The following HLX variants were observed in gnomAD, a reference collection of about 807,000 sequenced individuals.
The protein encoded by HLX is H2.0 like homeobox, also known as H2.0-like homeobox protein.
HLX carries 6 observed loss-of-function variants against 27.7 expected under a neutral mutation model. That is an observed-to-expected ratio of 0.22 (90% CI 0.12 to 0.43). The LOEUF is 0.43. Among genes scored for constraint, HLX ranks in the 20% least tolerant of loss-of-function variants. The pLI is 1.00. For missense variants in HLX, 666 were observed against 655.2 expected, an observed-to-expected ratio of 1.02 and a Z score of -0.18; for synonymous variants, 328 against 293.8, an observed-to-expected ratio of 1.12 and a Z score of -1.19.
In HLX at chr1:220,880,229, G is replaced by GCAA. The variant is rs766887194; in HGVS notation, c.381_383dup (p.Gln132dup). The GCAA allele has an allele frequency of 6.2e-7, 1 of 1,612,432 alleles. No individual in the cohort carries two copies. Among genetic ancestry groups the GCAA allele is most frequent in the Non-Finnish European group, 8.5e-7 (1 of 1,178,832 alleles). The stretch of plus-strand genomic sequence containing the variant: ...CAGCCGCCTACCACCACCATCACCC[G>GCAA]CAACAACAACAGCAGCAGCAACAGC... On this transcript the variant is annotated inframe_insertion, in exon 1 of 4. Coordinates refer to ENST00000366903, the MANE Select transcript of HLX (RefSeq NM_021958.4).
intron 1 of HLX, chr1:220,880,954 A>G: frequency 1.9e-6 from 1 of 523,078 alleles, no homozygotes; most frequent in East Asian, 3.2e-5. Context: ...CCGTAAGCCG[A>G]TTTATGTAAA....
intron 3 of HLX, 130 bp downstream of exon 3, chr1:220,882,478 A>C (rs1025862203): frequency 8.6e-6 from 7 of 809,682 alleles, no homozygotes; most frequent in Non-Finnish European, 1.4e-5. Context: ...GACTTTCAAG[A>C]GGCTTTGTGG....
intron 2 of HLX, chr1:220,881,591 A>C: frequency 6.7e-6 from 4 of 592,656 alleles, no homozygotes; most frequent in East Asian, 3.0e-5. Context: ...GAGATCCCAG[A>C]AAGTGTGTGC....
chr1:220,882,056 A>G, intron 2 of HLX, 108 bp from the exon 3 acceptor site: 1 of 999,438 alleles, frequency 1.0e-6, no homozygotes, highest in Non-Finnish European at 1.6e-6. Context: ...TCGACAGTTA[A>G]CACGAAACAG....
chr1:220,880,056 G>T lies in HLX; in HGVS notation c.199G>T (p.Ala67Ser), dbSNP rs1674389002. The part of the protein sequence containing the change: ...LGAAPEGLAG[A>S]SAAALTAHLG... ...GGCGGCCCCGGAGGGCCTGGCAGGG[G>T]CCTCGGCCGCCGCCCTCACCGCGCA... is the stretch of plus-strand genomic sequence containing the variant. The change falls in exon 1 of 4, where the codon GCC (alanine) becomes TCC (serine). Residue 67 changes from alanine (A) to serine (S), a missense_variant. Ala to Ser is a moderately conservative substitution (Grantham distance 99). Coordinates refer to ENST00000366903, the MANE Select transcript of HLX (RefSeq NM_021958.4). The T allele has an allele frequency of 5.7e-6, 9 of 1,587,618 alleles. No homozygotes were observed. The highest frequency in any genetic ancestry group is 6.8e-6 in the Non-Finnish European group (8 of 1,171,978).
At chr1:220,883,461 C>A (rs1384871052) in intron 3 of HLX, 4 of 152,352 alleles carry the variant, frequency 2.6e-5, no homozygotes, top group Non-Finnish European at 5.9e-5. Context: ...CATCTCTATC[C>A]CCTTCCTTAA....
At position 220,879,706 on chromosome 1, in the gene HLX, C is replaced by T; in HGVS notation, c.-152C>T. On this transcript the variant is annotated 5_prime_UTR_variant, in exon 1 of 4. Coordinates refer to ENST00000366903, the MANE Select transcript of HLX (RefSeq NM_021958.4). ...GCCTCCTCCCTCGGTGGCGCTAGGG[C>T]TCCCGGCCTCTCTTCCTCAGTGCGG... 6.5e-6 allele frequency: 8 copies of T among 1,229,270 alleles called. No individual in the cohort carries two copies. The highest frequency in any genetic ancestry group is 8.6e-6 in the Non-Finnish European group (8 of 931,514). The allele number at this position is 1,229,270 out of a possible 1,614,324, so 76.1% of individuals were successfully genotyped here.
chr1:220,881,566 G>C (rs986733525), intron 2 of HLX, 193 bp downstream of exon 2: 4 of 640,536 alleles, frequency 6.2e-6, no homozygotes, highest in Non-Finnish European at 1.1e-5. Context: ...CCTTGAAAAG[G>C]GGTAGAGGCG....
At chr1:220,880,557 T>C in intron 1 of HLX, 108 bp downstream of exon 1, 1 of 1,178,506 alleles carries the variant, frequency 8.5e-7, no homozygotes, top group Non-Finnish European at 1.3e-6. Context: ...GACAAATCGG[T>C]AAAACGGGAG....
At chr1:220,882,415 A>T (rs1306656808) in intron 3 of HLX, 67 bp downstream of exon 3, 71 of 1,477,766 alleles carry the variant, frequency 4.8e-5, no homozygotes, top group Non-Finnish European at 6.0e-5. Context: ...CTAGTCTGGT[A>T]GGTCCCCTCC....
Position 220,879,551 on chromosome 1 carries a change from C to T in HLX, c.-307C>T. 1 of 463,824 alleles carries T rather than the reference C, an allele frequency of 2.2e-6. No homozygotes were observed. The allele number at this position is 463,824 out of a possible 1,614,324, so 28.7% of individuals were successfully genotyped here. A position where few individuals can be genotyped will look rare whatever the true frequency, so the allele number is the denominator to read the frequency against. On this transcript the variant is annotated 5_prime_UTR_variant, in exon 1 of 4. Transcript: ENST00000366903. ...CTTGCGGTGTCCGGCTCCCGTCTCC[C>T]TGGCTCCCCCGCCCGCCCTGCGGCC...
intron 2 of HLX, chr1:220,881,944 T>C (rs949373363): frequency 3.1e-6 from 2 of 642,712 alleles, no homozygotes; most frequent in Non-Finnish European, 5.7e-6. Context: ...GCCAGGCTTC[T>C]CCACTCCACG....
intron 3 of HLX, 72 bp downstream of exon 3, chr1:220,882,420 C>T: frequency 7.0e-7 from 1 of 1,427,792 alleles, no homozygotes; most frequent in Non-Finnish European, 9.8e-7. Context: ...CTGGTAGGTC[C>T]CCTCCATCCC....
chr1:220,882,291 C>T lies in HLX; in HGVS notation c.900C>T (p.Tyr300=), dbSNP rs1300619991. Residue 300 remains tyrosine, a synonymous_variant, in exon 3 of 4, where the codon TAC becomes TAT. Transcript: ENST00000366903. ...AGAAAAGGTTTGAGATTCAGAAGTA[C>T]GTGACCAAGCCGGACCGAAAGCAGC... The part of the protein sequence containing the change: ...GLEKRFEIQK[Y]VTKPDRKQLA... The T allele has an allele frequency of 4.3e-6, 7 of 1,614,128 alleles. No individual in the cohort carries two copies. Among genetic ancestry groups the T allele is most frequent in the African/African-American group, 4.0e-5 (3 of 74,944 alleles).
In HLX at chr1:220,880,247, G is replaced by C; in HGVS notation, c.390G>C (p.Gln130His). The C allele has an allele frequency of 6.2e-7, 1 of 1,612,850 alleles. No individual in the cohort carries two copies. Among genetic ancestry groups the C allele is most frequent in the Non-Finnish European group, 8.5e-7 (1 of 1,179,260 alleles). ...HHHHPQQQQQ[Q>H]QQPQQQQPPP... Reference sequence around the variant, plus strand: ...ATCACCCGCAACAACAACAGCAGCAGCAACAGCCGCAGCAGCAACAGCCTC... The same window carrying C: ...ATCACCCGCAACAACAACAGCAGCACCAACAGCCGCAGCAGCAACAGCCTC... The change falls in exon 1 of 4, where the codon CAG becomes CAC. Residue 130 changes from glutamine (Q) to histidine (H), a missense_variant. By Grantham distance (24) the Gln-to-His change is conservative. Transcript: ENST00000366903.
At position 220,880,059 on chromosome 1, in the gene HLX, T is replaced by A; in HGVS notation, c.202T>A (p.Ser68Thr). 1 of 1,588,504 alleles carries A rather than the reference T, an allele frequency of 6.3e-7. No homozygotes were observed. Among genetic ancestry groups the A allele is most frequent in the Non-Finnish European group, 8.5e-7 (1 of 1,172,320 alleles). The change falls in exon 1 of 4, where the codon TCG (serine) becomes ACG (threonine). Residue 68 changes from serine to threonine, a missense_variant. Physicochemically the swap from Ser to Thr is moderately conservative, Grantham distance 58. Coordinates refer to ENST00000366903, the MANE Select transcript of HLX (RefSeq NM_021958.4). Reference sequence around the variant, plus strand: ...GGCCCCGGAGGGCCTGGCAGGGGCCTCGGCCGCCGCCCTCACCGCGCACTT... The same window carrying A: ...GGCCCCGGAGGGCCTGGCAGGGGCCACGGCCGCCGCCCTCACCGCGCACTT... ...GAAPEGLAGA[S>T]AAALTAHLGS...
At position 220,879,908 on chromosome 1, in the gene HLX, G is replaced by T; in HGVS notation, c.51G>T (p.Trp17Cys). ...APFYASNFSL[W>C]SAAYCSSAGP... ...TCTACGCCTCCAACTTCAGCCTCTG[G>T]TCGGCCGCTTACTGCTCCTCGGCCG... is the stretch of plus-strand genomic sequence containing the variant. Residue 17 changes from tryptophan (W) to cysteine (C), a missense_variant, in exon 1 of 4, where the codon TGG (tryptophan) becomes TGT (cysteine). Coordinates refer to ENST00000366903, the MANE Select transcript of HLX (RefSeq NM_021958.4). 6.3e-7 allele frequency: 1 copy of T among 1,594,896 alleles called. No individual in the cohort carries two copies. The highest frequency in any genetic ancestry group is 1.1e-5 in the South Asian group (1 of 89,790).
intron 1 of HLX, chr1:220,880,975 A>G (rs946181955): frequency 5.2e-6 from 3 of 581,702 alleles, no homozygotes; most frequent in Non-Finnish European, 9.4e-6. Flanking sequence ...GCCTTTACTT[A>G]CTATATACAT....
intron 3 of HLX, chr1:220,883,097 C>T (rs987343807): frequency 1.3e-5 from 2 of 151,936 alleles, no homozygotes; most frequent in Non-Finnish European, 2.9e-5. Flanking sequence ...CCCCACCCCC[C>T]ACCACCCGAG....
Sources: gnomAD v4.1 joint callset for allele counts on GRCh38, gnomAD v4.1.1 for gene constraint, MANE v1.5 for transcripts, NCBI Gene and HGNC (gene_info 2026-07-23, HGNC 2026-07-21) for gene names.